The following PTPRD variants were observed in gnomAD, a reference collection of about 807,000 sequenced individuals.
PTPRD encodes the protein receptor-type tyrosine-protein phosphatase delta.
In PTPRD, 34 loss-of-function variants were observed where a neutral mutation model predicts 214.5. The observed-to-expected ratio is 0.16, with a 90% CI of 0.12 to 0.21. PTPRD has a LOEUF of 0.21. PTPRD is among the 10% of genes least tolerant of loss of function. The probability of loss-of-function intolerance (pLI) is 1.00; values close to 1 mark genes in which losing one functional copy is unlikely to be tolerated. For synonymous variants in PTPRD, 1,128 were observed against 845.7 expected (o/e 1.33, Z -5.79); for missense variants, 2,545 against 2,398.7 (o/e 1.06, Z -1.27).
At chr9:9,521,442 C>G (rs1294524687) in intron 8 of PTPRD, among the ~76,000 whole-genome samples, 1 of 152,146 alleles carries the variant, frequency 6.6e-6, no homozygotes, top group African/African-American at 2.4e-5. Context: ...AAAAACCTGG[C>G]AGATTATTAC....
In PTPRD at chr9:9,625,045, T is replaced by C. The variant is rs776417188; in HGVS notation, c.-286-50264A>G. Among the ~76,000 whole-genome samples the C allele has an allele frequency of 2.9e-4, 44 of 152,334 alleles. No individual in the cohort carries two copies. The Middle Eastern group carries it at 0.01, about 35-fold the overall frequency. ...AATAACCACTGTTGTTAAATGACTC[T>C]TAAATCCATAGTGATGACTTGAAAG... is the stretch of plus-strand genomic sequence containing the variant. On this transcript the variant is annotated intron_variant, in intron 7 of 45. Transcript: ENST00000381196.
intron 35 of PTPRD, among the ~76,000 whole-genome samples, chr9:8,418,833 C>G (rs1267107536): frequency 6.6e-6 from 1 of 151,946 alleles, no homozygotes; most frequent in Admixed American, 6.6e-5. Flanking sequence ...TCAAGTTGTA[C>G]AACTTGAACA....
chr9:8,528,379 C>G (rs779728719), intron 15 of PTPRD: 87 of 621,054 alleles, frequency 1.4e-4, no homozygotes, highest in Admixed American at 3.6e-4. Context: ...TAAACAGAAG[C>G]TGCAAAACAC....
At chr9:10,410,107 T>C (rs927353089) in intron 2 of PTPRD, among the ~76,000 whole-genome samples, 1 of 151,342 alleles carries the variant, frequency 6.6e-6, no homozygotes, top group Non-Finnish European at 1.5e-5. Context: ...TATCAATGGA[T>C]GCCATGATAG....
intron 11 of PTPRD, among the ~76,000 whole-genome samples, chr9:8,919,867 A>G (rs150734608): frequency 1.3e-5 from 2 of 150,876 alleles, no homozygotes; most frequent in African/African-American, 2.5e-5. Flanking sequence ...ACATAGATGT[A>G]CATGCATGTA....
At chr9:8,337,148 C>T (rs1020623805) in intron 43 of PTPRD, among the ~76,000 whole-genome samples, 7 of 152,212 alleles carry the variant, frequency 4.6e-5, no homozygotes, top group East Asian at 3.9e-4. Flanking sequence ...CACATGCACA[C>T]GTATGTTTAT....
intron 10 of PTPRD, among the ~76,000 whole-genome samples, chr9:9,019,586 A>T (rs1203657280): frequency 1.3e-5 from 2 of 152,034 alleles, no homozygotes; most frequent in East Asian, 1.9e-4. Flanking sequence ...TGCATCTGTA[A>T]TCCCAGCTAC....
At position 10,240,147 on chromosome 9, in the gene PTPRD, T is replaced by C. The variant is rs569140264; in HGVS notation, c.-545+100816A>G. ...GTATAATCGTATTTCTATGTGGTGG[T>C]TCATATAACCTAAATAAAATATACT... On this transcript the variant is annotated intron_variant, in intron 3 of 45. Transcript: ENST00000381196. 3.3e-5 allele frequency among the ~76,000 whole-genome samples: 5 copies of C among 152,070 alleles called. No homozygotes were observed. In the South Asian group the frequency reaches 1.0e-3, roughly 32 times the overall value.
intron 14 of PTPRD, among the ~76,000 whole-genome samples, chr9:8,601,322 C>A (rs2094846913): frequency 6.6e-6 from 1 of 152,196 alleles, no homozygotes; most frequent in Non-Finnish European, 1.5e-5. Flanking sequence ...CAGAACTCAC[C>A]ACCCTTAAAA....
At chr9:9,880,543 T>C (rs2068335113) in intron 5 of PTPRD, among the ~76,000 whole-genome samples, 1 of 152,180 alleles carries the variant, frequency 6.6e-6, no homozygotes, top group Non-Finnish European at 1.5e-5. Flanking sequence ...TATTTACTTT[T>C]ATTTTTGTAT....
intron 11 of PTPRD, among the ~76,000 whole-genome samples, chr9:8,796,619 C>T (rs1362227337): frequency 6.6e-6 from 1 of 152,054 alleles, no homozygotes; most frequent in Non-Finnish European, 1.5e-5. Context: ...ACTTAAAAGC[C>T]ATAACTTATC....
chr9:8,585,251 G>T (rs545521665), intron 14 of PTPRD, among the ~76,000 whole-genome samples: 2 of 152,240 alleles, frequency 1.3e-5, no homozygotes, highest in South Asian at 4.2e-4. Context: ...AAAAGGGGAA[G>T]AGTAGACAGA....
intron 2 of PTPRD, among the ~76,000 whole-genome samples, chr9:10,410,886 A>C (rs185267244): frequency 6.6e-6 from 1 of 151,832 alleles, no homozygotes; most frequent in East Asian, 2.0e-4. Context: ...CCTACGTTTA[A>C]ATCACAGCTA....
At chr9:10,516,027 A>T (rs992281661) in intron 2 of PTPRD, among the ~76,000 whole-genome samples, 2 of 151,976 alleles carry the variant, frequency 1.3e-5, no homozygotes, top group Non-Finnish European at 2.9e-5. Context: ...ATAGAGATGC[A>T]GTGTACATGG....
chr9:8,864,203 T>C (rs2098156093), intron 11 of PTPRD, among the ~76,000 whole-genome samples: 1 of 152,230 alleles, frequency 6.6e-6, no homozygotes, highest in Admixed American at 6.5e-5. Context: ...GGAAGTTAAA[T>C]TTTGAACTTC....
At chr9:9,778,851 A>G (rs962833386) in intron 5 of PTPRD, among the ~76,000 whole-genome samples, 2 of 151,968 alleles carry the variant, frequency 1.3e-5, no homozygotes, top group African/African-American at 4.8e-5. Flanking sequence ...ACAAAATTAG[A>G]AAAAAATTTC....
chr9:8,836,354 C>T (rs2097421937), intron 11 of PTPRD, among the ~76,000 whole-genome samples: 1 of 152,000 alleles, frequency 6.6e-6, no homozygotes, highest in Non-Finnish European at 1.5e-5. Context: ...TCTAAAATAC[C>T]AGAGATACTG....
chr9:9,170,431 T>C (rs1301500328), intron 10 of PTPRD, among the ~76,000 whole-genome samples: 2 of 152,218 alleles, frequency 1.3e-5, no homozygotes, highest in African/African-American at 4.8e-5. Context: ...AAATGAATCT[T>C]TTGTTTTCCT....
At chr9:8,833,438 T>C (rs1398906319) in intron 11 of PTPRD, among the ~76,000 whole-genome samples, 1 of 152,106 alleles carries the variant, frequency 6.6e-6, no homozygotes, top group Non-Finnish European at 1.5e-5. Context: ...TATCTAAGTT[T>C]ATTCATCGCT....
Sources: allele counts gnomAD v4.1 joint callset (sites outside exome capture counted in the v4.1 genomes callset), GRCh38; gene constraint gnomAD v4.1.1; transcripts MANE v1.5; gene names NCBI Gene and HGNC (gene_info 2026-07-23, HGNC 2026-07-21).